Variants in SART3 observed in about 807,000 individuals in gnomAD.
SART3 encodes spliceosome associated factor 3, U4/U6 recycling protein.
SART3 carries 44 observed loss-of-function variants against 122.3 expected under a neutral mutation model. The ratio of observed to expected loss-of-function variants is 0.36; its 90% CI spans 0.28 to 0.46. SART3 has a LOEUF of 0.46. Ranked by LOEUF, SART3 falls within the 20% of genes least tolerant of loss-of-function variation. The probability of loss-of-function intolerance (pLI) is 1.00; values close to 1 mark genes in which losing one functional copy is unlikely to be tolerated. For missense variants in SART3, 1,101 were observed against 1,229.0 expected (o/e 0.90, Z 1.56); for synonymous variants, 442 against 454.0 (o/e 0.97, Z 0.34).
intron 1 of SART3, among the ~76,000 whole-genome samples, chr12:108,557,700 A>G (rs938759832): frequency 1.3e-5 from 2 of 152,196 alleles, no homozygotes; most frequent in African/African-American, 4.8e-5. Context: ...CCACTACTCA[A>G]TGGAAGGCTT....
intron 1 of SART3, chr12:108,554,028 T>A (rs2030115924): frequency 6.6e-6 from 1 of 152,256 alleles, no homozygotes. Flanking sequence ...ACCTCAGGGC[T>A]AGGCACCTGC....
chr12:108,542,454 G>A (rs540546767), intron 6 of SART3, among the ~76,000 whole-genome samples: 14 of 152,270 alleles, frequency 9.2e-5, no homozygotes, highest in African/African-American at 3.1e-4. Context: ...ACACAAGAAT[G>A]TTCAGAGTGG....
chr12:108,560,722 A>T, intron 1 of SART3, 121 bp downstream of exon 1: 1 of 824,928 alleles, frequency 1.2e-6, no homozygotes, highest in Non-Finnish European at 1.9e-6. Flanking sequence ...TACTGTCACG[A>T]AAAGCGGGTT....
intron 2 of SART3, 127 bp downstream of exon 2, chr12:108,548,961 G>A (rs1390828836): frequency 3.4e-5 from 49 of 1,429,510 alleles, no homozygotes; most frequent in African/African-American, 5.6e-5. Context: ...ACTCTGATGC[G>A]TTTTCTTCTT....
chr12:108,523,606 G>T lies in SART3; in HGVS notation c.2743C>A (p.Leu915Ile), dbSNP rs756915151. 1.2e-6 allele frequency: 2 copies of T among 1,614,072 alleles called. No individual in the cohort carries two copies. The highest frequency in any genetic ancestry group is 4.5e-5 in the East Asian group (2 of 44,888). Reference protein sequence around the residue: ...ARGKGRTQLSLLPRALQRPSA... With the variant: ...ARGKGRTQLSILPRALQRPSA... The stretch of plus-strand genomic sequence containing the variant: ...GGGCGCTGCAGGGCACGAGGCAGTA[G>T]AGACAGCTGCGTCCTTCCCTTCCCC... The change falls in exon 19 of 19, where the codon CTA becomes ATA. Residue 915 changes from leucine to isoleucine, a missense_variant. By Grantham distance (5) the Leu-to-Ile change is conservative (BLOSUM62 2). This residue lies in a region of SART3 where 885 missense variants were observed against 1,080.1 expected (regional missense o/e 0.82). Coordinates refer to ENST00000546815, the MANE Select transcript of SART3 (RefSeq NM_014706.4).
rs76464486 is a variant in SART3, at chr12:108,544,391, T to C, written c.781+36A>G. 4.4e-4 allele frequency: 687 copies of C among 1,573,332 alleles called. 2 individuals are homozygous for C. Among genetic ancestry groups the C allele is most frequent in the African/African-American group, 6.6e-4 (49 of 74,188 alleles). ...GTTCCCCAAAGCATTTTAAAAACCA[T>C]AGAGGGCTGGCTGTTGACATGTCAG... On this transcript the variant is annotated intron_variant, in intron 5 of 18. Transcript: ENST00000546815.
At chr12:108,528,846 G>A (rs1390690234) in intron 15 of SART3, among the ~76,000 whole-genome samples, 1 of 152,166 alleles carries the variant, frequency 6.6e-6, no homozygotes, top group Non-Finnish European at 1.5e-5. Context: ...ACACAGCTGG[G>A]CACAGTGGCT....
chr12:108,552,688 A>C (rs1348527836), intron 1 of SART3, among the ~76,000 whole-genome samples: 1 of 152,162 alleles, frequency 6.6e-6, no homozygotes, highest in African/African-American at 2.4e-5. Flanking sequence ...CTGAGGAAAG[A>C]AATCAAAGAC....
At chr12:108,550,996 T>C (rs1028150745) in intron 1 of SART3, among the ~76,000 whole-genome samples, 3 of 152,192 alleles carry the variant, frequency 2.0e-5, no homozygotes, top group Non-Finnish European at 2.9e-5. Flanking sequence ...AAACCAACAA[T>C]TGCCTTAAAT....
chr12:108,539,449 C>T (rs1376916495), intron 6 of SART3, among the ~76,000 whole-genome samples: 1 of 152,218 alleles, frequency 6.6e-6, no homozygotes, highest in African/African-American at 2.4e-5. Flanking sequence ...TCTTGGGCTA[C>T]TGAGTAGAGT....
chr12:108,532,456 T>G (rs1872721329), intron 12 of SART3, 122 bp from the exon 13 acceptor site: 1 of 762,966 alleles, frequency 1.3e-6, no homozygotes, highest in African/African-American at 1.7e-5. Flanking sequence ...TGAGAAGACC[T>G]TAGCTTTCAG....
intron 8 of SART3, 90 bp downstream of exon 8, chr12:108,537,975 A>G (rs951773258): frequency 6.5e-7 from 1 of 1,546,506 alleles, no homozygotes; most frequent in South Asian, 1.1e-5. Context: ...AGAAAACCCC[A>G]GGGAACACTG....
chr12:108,543,162 G>C lies in SART3; in HGVS notation c.782-10C>G. The stretch of plus-strand genomic sequence containing the variant: ...AATGTGGCCTCCATATCTATTGAAA[G>C]ATGGATTCAGCCCCGTGGGTCTTGC... On this transcript the variant is annotated splice_polypyrimidine_tract_variant and intron_variant, in intron 5 of 18. Coordinates refer to ENST00000546815, the MANE Select transcript of SART3 (RefSeq NM_014706.4). 1 of 1,614,032 alleles carries C rather than the reference G, an allele frequency of 6.2e-7. No individual in the cohort carries two copies. The highest frequency in any genetic ancestry group is 8.5e-7 in the Non-Finnish European group (1 of 1,179,928).
intron 12 of SART3, among the ~76,000 whole-genome samples, chr12:108,533,135 C>T (rs1872757362): frequency 6.6e-6 from 1 of 152,048 alleles, no homozygotes; most frequent in South Asian, 2.1e-4. Context: ...AGCACTGGTT[C>T]TCAAAGTAAG....
chr12:108,530,405 A>T, intron 14 of SART3, 95 bp from the exon 15 acceptor site: 1 of 1,384,390 alleles, frequency 7.2e-7, no homozygotes, highest in Non-Finnish European at 1.0e-6. Context: ...GAAATTCATT[A>T]CTAATGAAAA....
chr12:108,540,363 C>G (rs1021777155), intron 6 of SART3, among the ~76,000 whole-genome samples: 1 of 152,134 alleles, frequency 6.6e-6, no homozygotes, highest in Non-Finnish European at 1.5e-5. Flanking sequence ...GAAGCAAAGA[C>G]CTTTTTGAAC....
At position 108,524,522 on chromosome 12, in the gene SART3, T is replaced by C; in HGVS notation, c.2524-16A>G. 2 of 1,613,640 alleles carry C rather than the reference T, an allele frequency of 1.2e-6. No homozygotes were observed. Among genetic ancestry groups the C allele is most frequent in the Non-Finnish European group, 1.7e-6 (2 of 1,179,670 alleles). On this transcript the variant is annotated splice_polypyrimidine_tract_variant and intron_variant, in intron 17 of 18. Coordinates refer to ENST00000546815, the MANE Select transcript of SART3 (RefSeq NM_014706.4). ...AGGCCAGGCCCTGGAAGAGGCAAGATCCAGAACCAAGTCAGATCCCGCAGA... is the reference window on the plus strand; with the variant it reads ...AGGCCAGGCCCTGGAAGAGGCAAGACCCAGAACCAAGTCAGATCCCGCAGA...
intron 1 of SART3, among the ~76,000 whole-genome samples, chr12:108,555,951 G>A (rs539663779): frequency 6.6e-6 from 1 of 152,192 alleles, no homozygotes. Context: ...AATTGGCACA[G>A]GATAGACAAA....
chr12:108,549,121 G>A lies in SART3; in HGVS notation c.406C>T (p.Gln136Ter), dbSNP rs201128004. The A allele has an allele frequency of 1.2e-6, 2 of 1,614,168 alleles. No individual in the cohort carries two copies. The highest frequency in any genetic ancestry group is 1.7e-5 in the Admixed American group (1 of 60,028). The change falls in exon 2 of 19, where the codon CAG (glutamine) becomes TAG (stop). Residue 136 changes from glutamine (Q) to a stop codon, truncating the protein, a stop_gained. Transcript: ENST00000546815. LOFTEE classifies it high-confidence loss of function. The stretch of plus-strand genomic sequence containing the variant: ...AAGGGAAAGATTTCACTCATCTTCT[G>A]GCGGGCCATCCTCACCTTGGTAAGC... ...GELTKVRMAR[Q>*]KMSEIFPLTE...
Sources: gnomAD v4.1 joint callset for allele counts (sites outside exome capture counted in the v4.1 genomes callset) on GRCh38, gnomAD v4.1.1 for gene constraint, gnomAD v4.1.1 regional missense constraint, MANE v1.5 for transcripts, NCBI Gene and HGNC (gene_info 2026-07-23, HGNC 2026-07-21) for gene names.